The following UBASH3B variants were observed in gnomAD, a reference collection of about 807,000 sequenced individuals.
UBASH3B encodes ubiquitin associated and SH3 domain containing B.
In UBASH3B, 37 loss-of-function variants were observed where a neutral mutation model predicts 83.4. The ratio of observed to expected loss-of-function variants is 0.44; its 90% CI spans 0.34 to 0.58. The LOEUF (loss-of-function observed/expected upper bound fraction) is 0.58, where lower values mean the gene tolerates loss of function less well. Ranked by LOEUF, UBASH3B falls within the 20% of genes least tolerant of loss-of-function variation. The probability of loss-of-function intolerance (pLI) is 0.01; values close to 1 mark genes in which losing one functional copy is unlikely to be tolerated. For synonymous variants in UBASH3B, 304 were observed against 318.3 expected, an observed-to-expected ratio of 0.96 and a Z score of 0.48; for missense variants, 657 against 827.2, an observed-to-expected ratio of 0.79 and a Z score of 2.52.
intron 1 of UBASH3B, among the ~76,000 whole-genome samples, chr11:122,666,214 C>T (rs983275278): frequency 3.3e-5 from 5 of 152,188 alleles, no homozygotes; most frequent in South Asian, 2.1e-4. Context: ...CCTGCTTCCA[C>T]GTTGATGGTG....
intron 6 of UBASH3B, among the ~76,000 whole-genome samples, chr11:122,791,484 C>T (rs1861053316): frequency 6.6e-6 from 1 of 152,208 alleles, no homozygotes; most frequent in Admixed American, 6.5e-5. Flanking sequence ...GATGATTATT[C>T]TCTTTTTTCT....
chr11:122,805,038 A>T lies in UBASH3B; in HGVS notation c.1596-1372A>T, dbSNP rs552927034. Among the ~76,000 whole-genome samples the T allele has an allele frequency of 2.6e-5, 4 of 152,304 alleles. No homozygotes were observed. The South Asian group carries it at 8.3e-4, about 32-fold the overall frequency. ...TGATCATCCTCTTCCATGCTGTGTT[A>T]GTTCGTTTTCACGCTGCTGACAAAG... On this transcript the variant is annotated intron_variant, in intron 11 of 13. Transcript: ENST00000284273.
chr11:122,770,616 G>A (rs938849850), intron 1 of UBASH3B, among the ~76,000 whole-genome samples: 1 of 152,168 alleles, frequency 6.6e-6, no homozygotes, highest in East Asian at 1.9e-4. Context: ...GAAAACGGCA[G>A]CTAACAAGAC....
At chr11:122,769,022 T>C (rs1860599849) in intron 1 of UBASH3B, among the ~76,000 whole-genome samples, 1 of 152,170 alleles carries the variant, frequency 6.6e-6, no homozygotes, top group Non-Finnish European at 1.5e-5. Context: ...TGTCATGAGG[T>C]AGCTTAGTCC....
intron 1 of UBASH3B, among the ~76,000 whole-genome samples, chr11:122,661,476 G>A (rs1863437159): frequency 6.6e-6 from 1 of 152,158 alleles, no homozygotes; most frequent in African/African-American, 2.4e-5. Context: ...CTCTGGCGTG[G>A]GGGCTGCAGC....
Position 122,670,077 on chromosome 11 carries a change from G to A in UBASH3B, c.161+13867G>A, listed in dbSNP as rs1002649332. On this transcript the variant is annotated intron_variant, in intron 1 of 13. Coordinates refer to ENST00000284273, the MANE Select transcript of UBASH3B (RefSeq NM_032873.5). ...TGGTTTGTTCTTTGACTTGGCCCCA[G>A]CTAAATGCAGTGGGGTTGGCTGTCT... 2.0e-5 allele frequency among the ~76,000 whole-genome samples: 3 copies of A among 152,208 alleles called. No individual in the cohort carries two copies. The East Asian group carries it at 5.8e-4, about 29-fold the overall frequency.
intron 1 of UBASH3B, among the ~76,000 whole-genome samples, chr11:122,670,697 T>C (rs548261357): frequency 6.6e-6 from 1 of 151,852 alleles, no homozygotes; most frequent in African/African-American, 2.4e-5. Flanking sequence ...CTGGTAAGAG[T>C]GTGTTTCTGT....
chr11:122,688,581 G>A (rs1863839133), intron 1 of UBASH3B, among the ~76,000 whole-genome samples: 3 of 150,914 alleles, frequency 2.0e-5, no homozygotes, highest in South Asian at 2.1e-4. Context: ...GAGTAAGCTG[G>A]GACTACAGAC....
At chr11:122,702,796 G>T (rs1201293799) in intron 1 of UBASH3B, among the ~76,000 whole-genome samples, 2 of 152,044 alleles carry the variant, frequency 1.3e-5, no homozygotes, top group African/African-American at 2.4e-5. Context: ...AAGTGCTGGG[G>T]ATTACAGGCG....
At chr11:122,660,706 T>C (rs1259729664) in intron 1 of UBASH3B, among the ~76,000 whole-genome samples, 2 of 152,210 alleles carry the variant, frequency 1.3e-5, no homozygotes, top group South Asian at 4.1e-4. Context: ...CACTGAATAA[T>C]TGAATTGGAG....
chr11:122,773,940 CT>C, intron 1 of UBASH3B: 1 of 983,628 alleles, frequency 1.0e-6, no homozygotes, highest in Non-Finnish European at 1.2e-6. Context: ...ATGCGTTTTC[CT>C]TTTCCCAGTT....
At chr11:122,803,526 C>T (rs748391821) in intron 11 of UBASH3B, among the ~76,000 whole-genome samples, 23 of 151,792 alleles carry the variant, frequency 1.5e-4, no homozygotes, top group Non-Finnish European at 2.8e-4. Context: ...CCACAGGCAG[C>T]AAGACCAGCC....
At chr11:122,790,326 C>T (rs1163688340) in intron 6 of UBASH3B, among the ~76,000 whole-genome samples, 1 of 152,084 alleles carries the variant, frequency 6.6e-6, no homozygotes, top group Non-Finnish European at 1.5e-5. Context: ...ATAACCCCAC[C>T]CAGCAATCCC....
At chr11:122,730,568 G>A (rs920177666) in intron 1 of UBASH3B, among the ~76,000 whole-genome samples, 1 of 151,458 alleles carries the variant, frequency 6.6e-6, no homozygotes, top group Admixed American at 6.6e-5. Flanking sequence ...TTCTCAGCCC[G>A]CTGTGATGCA....
Position 122,801,250 on chromosome 11 carries a change from T to C in UBASH3B, c.1513T>C (p.Trp505Arg). 1 of 1,608,916 alleles carries C rather than the reference T, an allele frequency of 6.2e-7. No individual in the cohort carries two copies. The highest frequency in any genetic ancestry group is 8.5e-7 in the Non-Finnish European group (1 of 1,177,758). ...GCCCGGCTTATTTGAGTGGACAAAA[T>C]GGGTTGCTGGGAGCACATTACCTGC... is the stretch of plus-strand genomic sequence containing the variant. Reference protein sequence around the residue: ...VEPGLFEWTKWVAGSTLPAWI... With the variant: ...VEPGLFEWTKRVAGSTLPAWI... The change falls in exon 11 of 14, where the codon TGG (tryptophan) becomes CGG (arginine). Residue 505 changes from tryptophan (W) to arginine (R), a missense_variant. Coordinates refer to ENST00000284273, the MANE Select transcript of UBASH3B (RefSeq NM_032873.5).
intron 1 of UBASH3B, among the ~76,000 whole-genome samples, chr11:122,757,474 C>G (rs1360183285): frequency 6.6e-6 from 1 of 152,170 alleles, no homozygotes; most frequent in East Asian, 1.9e-4. Flanking sequence ...GTCTATGGCA[C>G]TTTGTCGTAG....
At chr11:122,690,688 A>G (rs1442665998) in intron 1 of UBASH3B, among the ~76,000 whole-genome samples, 1 of 149,986 alleles carries the variant, frequency 6.7e-6, no homozygotes, top group African/African-American at 2.4e-5. Flanking sequence ...AGAGCCAGTG[A>G]GAGACACATA....
chr11:122,658,198 T>C (rs965591897), intron 1 of UBASH3B, among the ~76,000 whole-genome samples: 6 of 137,712 alleles, frequency 4.4e-5, no homozygotes, highest in Non-Finnish European at 7.9e-5. Flanking sequence ...AAAAAAAAGC[T>C]GGAGGTGGGA....
rs747617461 is a variant in UBASH3B at position 122,656,182 on chromosome 11, C to G, written c.133C>G (p.Leu45Val). ...GCATGGATCGGCGCTGGACGTGCTCCTCTCCATGGGGTTCCCCAGAGCCCG... is the reference window on the plus strand; with the variant it reads ...GCATGGATCGGCGCTGGACGTGCTCGTCTCCATGGGGTTCCCCAGAGCCCG... Reference protein sequence around the residue: ...IKHGSALDVLLSMGFPRARAQ... With the variant: ...IKHGSALDVLVSMGFPRARAQ... The change falls in exon 1 of 14, where the codon CTC becomes GTC. Residue 45 changes from leucine to valine, a missense_variant. Coordinates refer to ENST00000284273, the MANE Select transcript of UBASH3B (RefSeq NM_032873.5). 3 of 1,541,542 alleles carry G rather than the reference C, an allele frequency of 1.9e-6. No individual in the cohort carries two copies. Among genetic ancestry groups the G allele is most frequent in the South Asian group, 2.4e-5 (2 of 82,648 alleles).
Sources: gnomAD v4.1 joint callset for allele counts (sites outside exome capture counted in the v4.1 genomes callset) on GRCh38, gnomAD v4.1.1 for gene constraint, MANE v1.5 for transcripts, NCBI Gene and HGNC (gene_info 2026-07-23, HGNC 2026-07-21) for gene names.